CAP2: variants seen among roughly 807,000 people sequenced by gnomAD.
CAP2 encodes adenylyl cyclase-associated protein 2.
Under a neutral mutation model 57.7 loss-of-function variants are expected in CAP2, and 24 were observed. That is an observed-to-expected ratio of 0.42 (90% CI 0.30 to 0.58). The LOEUF (loss-of-function observed/expected upper bound fraction) is 0.58, where lower values mean the gene tolerates loss of function less well. Ranked by LOEUF, CAP2 falls within the 20% of genes least tolerant of loss-of-function variation. The probability of loss-of-function intolerance (pLI) is 0.22; values close to 1 mark genes in which losing one functional copy is unlikely to be tolerated. For synonymous variants in CAP2, 194 were observed against 207.2 expected (o/e 0.94, Z 0.55); for missense variants, 501 against 590.3 (o/e 0.85, Z 1.57).
Position 17,487,610 on chromosome 6 carries a change from C to T in CAP2, c.301-19559C>T, listed in dbSNP as rs185956651. Reference sequence around the variant, plus strand: ...TCAGCTTCCTGAGTAGCTGGGATTACAGGCACCCGCCACCACGCCCGGCTA... The same window carrying T: ...TCAGCTTCCTGAGTAGCTGGGATTATAGGCACCCGCCACCACGCCCGGCTA... On this transcript the variant is annotated intron_variant, in intron 4 of 12. Coordinates refer to ENST00000229922, the MANE Select transcript of CAP2 (RefSeq NM_006366.3). 2.6e-4 allele frequency among the ~76,000 whole-genome samples: 39 copies of T among 152,316 alleles called. No homozygotes were observed. In the East Asian group the frequency reaches 6.2e-3, roughly 24 times the overall value.
intron 11 of CAP2, 56 bp from the exon 12 acceptor site, chr6:17,551,408 G>C (rs1763168339): frequency 7.3e-7 from 1 of 1,369,180 alleles, no homozygotes; most frequent in Non-Finnish European, 1.0e-6. Flanking sequence ...ATTTATTCGA[G>C]GGCATTGTTA....
intron 7 of CAP2, among the ~76,000 whole-genome samples, chr6:17,529,909 T>C (rs1762601166): frequency 6.6e-6 from 1 of 152,012 alleles, no homozygotes; most frequent in African/African-American, 2.4e-5. Flanking sequence ...CAGTTGTCAC[T>C]TTGGGAGGCC....
chr6:17,416,534 C>T lies in CAP2; in HGVS notation c.-1-5021C>T, dbSNP rs77613116. Among the ~76,000 whole-genome samples, 62 of 152,238 alleles carry T rather than the reference C, an allele frequency of 4.1e-4. 2 individuals carry two copies. In the East Asian group the frequency reaches 9.8e-3, roughly 24 times the overall value. ...TGGGAGGACAAGACAAAAGGCAATA[C>T]GCATGCAGGTGGTAGTGAGGACTGG... On this transcript the variant is annotated intron_variant, in intron 1 of 12. Transcript: ENST00000229922.
At chr6:17,487,458 T>A (rs1048665494) in intron 4 of CAP2, among the ~76,000 whole-genome samples, 1 of 149,504 alleles carries the variant, frequency 6.7e-6, no homozygotes, top group African/African-American at 2.6e-5. Flanking sequence ...GGTGGGTTTG[T>A]TTGTTTGTTT....
At chr6:17,488,992 C>T (rs1561801863) in intron 4 of CAP2, among the ~76,000 whole-genome samples, 1 of 152,158 alleles carries the variant, frequency 6.6e-6, no homozygotes, top group Admixed American at 6.5e-5. Flanking sequence ...GGGGTCTGTG[C>T]TGGCAGGACG....
intron 3 of CAP2, among the ~76,000 whole-genome samples, chr6:17,427,877 G>T (rs1759632559): frequency 6.6e-6 from 1 of 152,230 alleles, no homozygotes; most frequent in Non-Finnish European, 1.5e-5. Context: ...TATGCTAAGT[G>T]AAATAAGCCA....
rs1561792509 is a variant in CAP2 at position 17,463,060 on chromosome 6, A to G, written c.287A>G (p.Gln96Arg). The G allele has an allele frequency of 6.2e-7, 1 of 1,612,978 alleles. No homozygotes were observed. The highest frequency in any genetic ancestry group is 8.5e-7 in the Non-Finnish European group (1 of 1,178,992). ...RAFLLMASQY[Q>R]QPHENDVAAL... ...TTCCTTCTGATGGCCTCTCAGTACC[A>G]ACAACCCCACGAGGTAAGAGAGTGT... Residue 96 changes from glutamine (Q) to arginine (R), a missense_variant, in exon 4 of 13, where the codon CAA (glutamine) becomes CGA (arginine). Coordinates refer to ENST00000229922, the MANE Select transcript of CAP2 (RefSeq NM_006366.3).
intron 4 of CAP2, among the ~76,000 whole-genome samples, chr6:17,492,454 A>G (rs190707940): frequency 9.3e-4 from 141 of 152,352 alleles, no homozygotes; most frequent in African/African-American, 3.1e-3. Context: ...GCTGCCGATC[A>G]GCAGCAGGCA....
intron 12 of CAP2, among the ~76,000 whole-genome samples, chr6:17,553,053 G>C (rs1234873181): frequency 6.6e-6 from 1 of 152,170 alleles, no homozygotes; most frequent in Non-Finnish European, 1.5e-5. Flanking sequence ...TTCCTGAAGA[G>C]CTGATGCCAA....
intron 1 of CAP2, among the ~76,000 whole-genome samples, chr6:17,408,528 G>T (rs1561772590): frequency 6.6e-6 from 1 of 152,052 alleles, no homozygotes; most frequent in Non-Finnish European, 1.5e-5. Flanking sequence ...TTTGCAGGGG[G>T]TCAAACAAAC....
rs557701640 is a variant in CAP2, at chr6:17,535,217, A to G, written c.637-4052A>G. ...GTATTTATTCTAGCCGGAGGCCCACAGGCTGCGCTACATATGAGTCAAGGT... is the reference window on the plus strand; with the variant it reads ...GTATTTATTCTAGCCGGAGGCCCACGGGCTGCGCTACATATGAGTCAAGGT... On this transcript the variant is annotated intron_variant, in intron 7 of 12. Coordinates refer to ENST00000229922, the MANE Select transcript of CAP2 (RefSeq NM_006366.3). Among the ~76,000 whole-genome samples, 11 of 151,842 alleles carry G rather than the reference A, an allele frequency of 7.2e-5. No individual in the cohort carries two copies. The East Asian group carries it at 2.1e-3, about 29-fold the overall frequency.
At chr6:17,397,029 GT>G (rs556173882) in intron 1 of CAP2, among the ~76,000 whole-genome samples, 3 of 152,094 alleles carry the variant, frequency 2.0e-5, no homozygotes, top group African/African-American at 7.2e-5. Context: ...GTTTAGGTTT[GT>G]TTTTTTGGTT....
chr6:17,433,291 C>T lies in CAP2; in HGVS notation c.222+6601C>T, dbSNP rs150320217. Among the ~76,000 whole-genome samples the T allele has an allele frequency of 1.5e-3, 225 of 152,376 alleles. 2 individuals are homozygous for T. The highest frequency in any genetic ancestry group is 5.1e-3 in the African/African-American group (212 of 41,588). On this transcript the variant is annotated intron_variant, in intron 3 of 12. Coordinates refer to ENST00000229922, the MANE Select transcript of CAP2 (RefSeq NM_006366.3). ...CACCGAAGATAAAACATCTTCTCTT[C>T]TTGCTCTCTCCTTGTGGTATAGACA...
At chr6:17,490,367 A>G (rs1311686317) in intron 4 of CAP2, among the ~76,000 whole-genome samples, 1 of 152,214 alleles carries the variant, frequency 6.6e-6, no homozygotes, top group Non-Finnish European at 1.5e-5. Context: ...ACTACATCAT[A>G]TCTTCCTGGT....
At chr6:17,501,820 C>A (rs1203308015) in intron 4 of CAP2, among the ~76,000 whole-genome samples, 1 of 152,226 alleles carries the variant, frequency 6.6e-6, no homozygotes, top group Non-Finnish European at 1.5e-5. Context: ...CTAAAATACT[C>A]TTCCAAAGTA....
chr6:17,504,749 C>A (rs1761931335), intron 4 of CAP2, among the ~76,000 whole-genome samples: 2 of 152,036 alleles, frequency 1.3e-5, no homozygotes, highest in Admixed American at 1.3e-4. Context: ...ACTTCATAAC[C>A]AAAACAAGTG....
chr6:17,521,375 A>G (rs60341768), intron 7 of CAP2, among the ~76,000 whole-genome samples: 53,713 of 151,814 alleles, frequency 0.35, 10,601 homozygotes, highest in African/African-American at 0.54. Context: ...CCAAGATGGC[A>G]CCACTGCACT....
intron 4 of CAP2, among the ~76,000 whole-genome samples, chr6:17,489,308 T>C (rs1296583597): frequency 6.6e-6 from 1 of 152,150 alleles, no homozygotes; most frequent in Non-Finnish European, 1.5e-5. Flanking sequence ...GGCACGCGCC[T>C]ATAAGCCCAG....
At chr6:17,436,475 C>T (rs548401461) in intron 3 of CAP2, among the ~76,000 whole-genome samples, 7 of 152,002 alleles carry the variant, frequency 4.6e-5, no homozygotes, top group Non-Finnish European at 8.8e-5. Flanking sequence ...GGGACTATTT[C>T]GAAAGCTGTG....
Sources: allele counts gnomAD v4.1 joint callset (sites outside exome capture counted in the v4.1 genomes callset), GRCh38; gene constraint gnomAD v4.1.1; transcripts MANE v1.5; gene names NCBI Gene and HGNC (gene_info 2026-07-23, HGNC 2026-07-21).